The following ZBTB20 variants were observed in gnomAD, a reference collection of about 807,000 sequenced individuals.
ZBTB20 encodes zinc finger and BTB domain containing 20.
ZBTB20 carries 9 observed loss-of-function variants against 56.9 expected under a neutral mutation model. That is an observed-to-expected ratio of 0.16 (90% confidence interval 0.10 to 0.28). ZBTB20 has a LOEUF of 0.28. Among genes scored for constraint, ZBTB20 ranks in the 10% least tolerant of loss-of-function variants. The probability of loss-of-function intolerance (pLI) is 1.00; values close to 1 mark genes in which losing one functional copy is unlikely to be tolerated. For missense variants in ZBTB20, 655 were observed against 1,003.0 expected (o/e 0.65, Z 4.69); for synonymous variants, 417 against 420.7 (o/e 0.99, Z 0.11).
At chr3:114,679,210 G>A (rs1356739154) in intron 6 of ZBTB20, among the ~76,000 whole-genome samples, 2 of 152,142 alleles carry the variant, frequency 1.3e-5, no homozygotes, top group Non-Finnish European at 2.9e-5. Context: ...TACCATTCAG[G>A]ACACAGGCAT....
chr3:114,693,491 T>A (rs971584203), intron 6 of ZBTB20, 37 bp downstream of exon 6: 20 of 152,246 alleles, frequency 1.3e-4, no homozygotes, highest in African/African-American at 4.8e-4. Context: ...ACCTCAATAT[T>A]TTGGACTGCC....
chr3:115,007,369 CAG>C (rs942945917), intron 2 of ZBTB20, among the ~76,000 whole-genome samples: 5 of 151,512 alleles, frequency 3.3e-5, no homozygotes, highest in African/African-American at 9.7e-5. Context: ...AGAGAAAAAA[CAG>C]AAATTAGAGA....
At chr3:114,501,856 G>A (rs2044028358) in intron 6 of ZBTB20, among the ~76,000 whole-genome samples, 1 of 151,016 alleles carries the variant, frequency 6.6e-6, no homozygotes, top group African/African-American at 2.4e-5. Context: ...CTACAGGCAC[G>A]CACCACCACA....
intron 3 of ZBTB20, among the ~76,000 whole-genome samples, chr3:114,958,993 G>C (rs899456168): frequency 1.3e-5 from 2 of 152,144 alleles, no homozygotes; most frequent in African/African-American, 4.8e-5. Context: ...TTCCTGGATA[G>C]TGTGGGACCA....
chr3:114,789,466 T>C (rs2070782511), intron 5 of ZBTB20, among the ~76,000 whole-genome samples: 1 of 152,130 alleles, frequency 6.6e-6, no homozygotes, highest in African/African-American at 2.4e-5. Context: ...GTGGGTCCAA[T>C]GCATTAACAT....
intron 1 of ZBTB20, among the ~76,000 whole-genome samples, chr3:115,108,442 G>A (rs1429736956): frequency 2.0e-5 from 3 of 152,166 alleles, no homozygotes; most frequent in Non-Finnish European, 4.4e-5. Context: ...GGGGAGCACA[G>A]AGATGAGAGG....
chr3:114,451,664 A>T (rs974231971), intron 7 of ZBTB20, among the ~76,000 whole-genome samples: 4 of 152,154 alleles, frequency 2.6e-5, no homozygotes, highest in Non-Finnish European at 5.9e-5. Flanking sequence ...AAATAAAAGA[A>T]AACAAACAGA....
rs1437843837 is a variant in ZBTB20 at position 114,324,479 on chromosome 3, C to A, written c.*14526G>T. ...TCTACATTGATCACTTTTTCCCTCA[C>A]CTCATTAGTCTCCTATTCTTTTTTT... is the stretch of plus-strand genomic sequence containing the variant. On this transcript the variant is annotated 3_prime_UTR_variant, in exon 12 of 12. Coordinates refer to ENST00000675478, the MANE Select transcript of ZBTB20 (RefSeq NM_001348800.3). 1 of 152,070 alleles carries A rather than the reference C, an allele frequency of 6.6e-6. No homozygotes were observed. The highest frequency in any genetic ancestry group is 1.5e-5 in the Non-Finnish European group (1 of 67,988). 9.4% of individuals were successfully genotyped at this position (152,070 alleles called of 1,614,324 possible).
At chr3:114,746,872 G>T (rs972561612) in intron 5 of ZBTB20, among the ~76,000 whole-genome samples, 1 of 152,086 alleles carries the variant, frequency 6.6e-6, no homozygotes, top group Admixed American at 6.5e-5. Flanking sequence ...AGAAGTCTTC[G>T]ATATTTTTCA....
intron 4 of ZBTB20, among the ~76,000 whole-genome samples, chr3:114,849,980 A>G (rs1579151241): frequency 6.7e-6 from 1 of 148,540 alleles, no homozygotes; most frequent in Middle Eastern, 3.4e-3. Context: ...GCTCACTGCA[A>G]CCTCCACCTC....
Position 114,315,960 on chromosome 3 carries a change from GTT to G in ZBTB20, c.*23043_*23044del, listed in dbSNP as rs1009714913. On this transcript the variant is annotated 3_prime_UTR_variant, in exon 12 of 12. Coordinates refer to ENST00000675478, the MANE Select transcript of ZBTB20 (RefSeq NM_001348800.3). ...TAAGGTGCTTCAAAAAAGGTTTTTT[GTT>G]TTTTTGTTTTTTTTTTCAGTTTTTA... The G allele has an allele frequency of 3.9e-5, 6 of 154,058 alleles. No individual in the cohort carries two copies. Among genetic ancestry groups the G allele is most frequent in the Non-Finnish European group, 7.2e-5 (5 of 69,820 alleles). The allele number at this position is 154,058 out of a possible 1,614,324, so 9.5% of individuals were successfully genotyped here. A position where few individuals can be genotyped will look rare whatever the true frequency, so the allele number is the denominator to read the frequency against.
chr3:115,133,121 T>A (rs1303617916), intron 1 of ZBTB20, among the ~76,000 whole-genome samples: 1 of 152,230 alleles, frequency 6.6e-6, no homozygotes, highest in Admixed American at 6.5e-5. Flanking sequence ...ATCAAAATTA[T>A]GTATTCCTTA....
intron 6 of ZBTB20, among the ~76,000 whole-genome samples, chr3:114,576,501 C>CAAAAAAAAAAAA (rs61714991): frequency 2.1e-4 from 5 of 24,112 alleles, no homozygotes; most frequent in South Asian, 1.6e-3. Context: ...GACTCCGTCT[C>CAAAAAAAAAAAA]AAAAAAAAAA....
intron 2 of ZBTB20, among the ~76,000 whole-genome samples, chr3:115,058,914 C>T (rs991862672): frequency 1.3e-5 from 2 of 152,102 alleles, no homozygotes; most frequent in Non-Finnish European, 2.9e-5. Flanking sequence ...GTTTCTATTG[C>T]TATGTCTTCA....
chr3:114,986,329 C>A (rs62265048), intron 2 of ZBTB20, among the ~76,000 whole-genome samples: 1 of 151,996 alleles, frequency 6.6e-6, no homozygotes, highest in African/African-American at 2.4e-5. Context: ...TTATTTATAT[C>A]GTAATTCTAC....
chr3:115,113,878 C>T (rs2083948861), intron 1 of ZBTB20, among the ~76,000 whole-genome samples: 1 of 152,174 alleles, frequency 6.6e-6, no homozygotes. Flanking sequence ...ATTTGCTCAA[C>T]CAGACTTTCC....
At chr3:114,365,251 G>A (rs62265723) in intron 10 of ZBTB20, among the ~76,000 whole-genome samples, 48,321 of 152,026 alleles carry the variant, frequency 0.32, 8,654 homozygotes, top group Non-Finnish European at 0.4. Context: ...GTGGGATGGC[G>A]GGGACTTCTG....
chr3:115,011,708 C>T (rs145089517), intron 2 of ZBTB20, among the ~76,000 whole-genome samples: 48 of 151,862 alleles, frequency 3.2e-4, no homozygotes, highest in African/African-American at 1.1e-3. Flanking sequence ...ATAAAAAAAT[C>T]ATCTAACAGT....
At chr3:114,389,617 T>C (rs1576547283) in intron 7 of ZBTB20, among the ~76,000 whole-genome samples, 1 of 152,038 alleles carries the variant, frequency 6.6e-6, no homozygotes, top group Non-Finnish European at 1.5e-5. Context: ...CGGCTGGGTG[T>C]GCTGGCTCAC....
Sources: gnomAD v4.1 joint callset for allele counts (sites outside exome capture counted in the v4.1 genomes callset) on GRCh38, gnomAD v4.1.1 for gene constraint, MANE v1.5 for transcripts, NCBI Gene and HGNC (gene_info 2026-07-23, HGNC 2026-07-21) for gene names.